CNTNAP5: variants seen among roughly 807,000 people sequenced by gnomAD.
The protein encoded by CNTNAP5 is contactin associated protein family member 5, also known as contactin-associated protein-like 5.
Under a neutral mutation model 150.2 loss-of-function variants are expected in CNTNAP5, and 72 were observed. The observed-to-expected ratio is 0.48, with a 90% CI of 0.40 to 0.58. The LOEUF (loss-of-function observed/expected upper bound fraction) is 0.58. Among genes scored for constraint, CNTNAP5 ranks in the 20% least tolerant of loss-of-function variants. CNTNAP5 has a pLI of 0.00. For missense variants in CNTNAP5, 1,636 were observed against 1,626.2 expected, an observed-to-expected ratio of 1.01 and a Z score of -0.10; for synonymous variants, 672 against 619.8, an observed-to-expected ratio of 1.08 and a Z score of -1.25.
At chr2:124,796,448 C>T (rs1042330867) in intron 18 of CNTNAP5, among the ~76,000 whole-genome samples, 8 of 152,124 alleles carry the variant, frequency 5.3e-5, no homozygotes, top group Non-Finnish European at 8.8e-5. Context: ...CTGATGATAA[C>T]CAGAATTCTC....
chr2:124,253,860 G>A (rs78775686), intron 3 of CNTNAP5, among the ~76,000 whole-genome samples: 1,898 of 151,718 alleles, frequency 0.013, 37 homozygotes, highest in African/African-American at 0.037. Flanking sequence ...GAAGATGATG[G>A]GGAAGGGGGA....
Position 124,424,592 on chromosome 2 carries a change from C to T in CNTNAP5, c.529+7002C>T, listed in dbSNP as rs138558928. Among the ~76,000 whole-genome samples, 461 of 152,252 alleles carry T rather than the reference C, an allele frequency of 3.0e-3. 2 individuals are homozygous for T. Among genetic ancestry groups the T allele is most frequent in the Non-Finnish European group, 5.0e-3 (341 of 68,018 alleles). On this transcript the variant is annotated intron_variant, in intron 4 of 23. Transcript: ENST00000682447. ...TCTCTTCTATGAAGAGACAAATGTA[C>T]ACACATACATGGAATAACAACACTA...
intron 18 of CNTNAP5, among the ~76,000 whole-genome samples, chr2:124,796,694 A>G (rs987661633): frequency 3.9e-5 from 6 of 152,240 alleles, no homozygotes; most frequent in Admixed American, 3.9e-4. Flanking sequence ...AAAGCCAGGT[A>G]TTATTATATT....
intron 11 of CNTNAP5, among the ~76,000 whole-genome samples, chr2:124,578,788 A>AATAC (rs915435269): frequency 2.7e-5 from 4 of 150,704 alleles, no homozygotes; most frequent in African/African-American, 9.9e-5. Context: ...TAAATAAGTA[A>AATAC]ATAAATAAAT....
intron 13 of CNTNAP5, among the ~76,000 whole-genome samples, chr2:124,696,380 C>G (rs376971102): frequency 1.8e-4 from 28 of 152,278 alleles, no homozygotes; most frequent in African/African-American, 6.3e-4. Flanking sequence ...GTGATCTTTT[C>G]TATCCTAGAG....
At chr2:124,907,866 A>G (rs777293882) in intron 22 of CNTNAP5, among the ~76,000 whole-genome samples, 25 of 150,598 alleles carry the variant, frequency 1.7e-4, no homozygotes, top group South Asian at 4.2e-4. Context: ...CTAGATCTGA[A>G]GTATTTTATT....
chr2:124,914,213 T>C lies in CNTNAP5; in HGVS notation c.3849T>C (p.Asn1283=), dbSNP rs761433692. The change falls in exon 24 of 24, where the codon AAT becomes AAC. Residue 1283 remains asparagine, a synonymous_variant. Transcript: ENST00000682447. ...TGAAGGAGAAGGAATATCCAGAAAATTTGGACAGTTCCTTCAGAAATGAAA... is the reference window on the plus strand; with the variant it reads ...TGAAGGAGAAGGAATATCCAGAAAACTTGGACAGTTCCTTCAGAAATGAAA... ...SQMKEKEYPE[N]LDSSFRNEID... The C allele has an allele frequency of 6.2e-7, 1 of 1,612,516 alleles. No individual in the cohort carries two copies. Among genetic ancestry groups the C allele is most frequent in the Non-Finnish European group, 8.5e-7 (1 of 1,179,038 alleles).
At chr2:124,606,911 C>T (rs559590411) in intron 11 of CNTNAP5, among the ~76,000 whole-genome samples, 1 of 152,088 alleles carries the variant, frequency 6.6e-6, no homozygotes, top group Non-Finnish European at 1.5e-5. Context: ...GAGGACACAG[C>T]GAAACCATAT....
intron 1 of CNTNAP5, among the ~76,000 whole-genome samples, chr2:124,111,280 G>A (rs1243832287): frequency 1.3e-5 from 2 of 152,124 alleles, no homozygotes; most frequent in East Asian, 3.9e-4. Flanking sequence ...AAGACTGCTG[G>A]AAGTCCATGA....
intron 10 of CNTNAP5, among the ~76,000 whole-genome samples, chr2:124,535,189 G>A (rs377388088): frequency 1.3e-5 from 2 of 152,094 alleles, no homozygotes; most frequent in African/African-American, 2.4e-5. Context: ...TGATGCTACC[G>A]GGGAAGATCC....
At chr2:124,215,432 G>A (rs891409) in intron 1 of CNTNAP5, among the ~76,000 whole-genome samples, 24,731 of 151,912 alleles carry the variant, frequency 0.16, 2,329 homozygotes, top group East Asian at 0.35. Flanking sequence ...ATATTTACTT[G>A]GAATTCTCTG....
At chr2:124,755,513 A>G (rs1680820790) in intron 14 of CNTNAP5, among the ~76,000 whole-genome samples, 1 of 152,158 alleles carries the variant, frequency 6.6e-6, no homozygotes, top group Non-Finnish European at 1.5e-5. Context: ...TTGGCCAAGT[A>G]TGTCTGAAGG....
intron 13 of CNTNAP5, among the ~76,000 whole-genome samples, chr2:124,652,555 C>T (rs1345137134): frequency 6.6e-6 from 1 of 152,172 alleles, no homozygotes; most frequent in Admixed American, 6.6e-5. Flanking sequence ...AATATCAAAG[C>T]CATAGTCTGG....
At position 124,395,701 on chromosome 2, in the gene CNTNAP5, G is replaced by T. The variant is rs76313591; in HGVS notation, c.382-21742G>T. 5.1e-3 allele frequency among the ~76,000 whole-genome samples: 771 copies of T among 152,066 alleles called. 6 individuals carry two copies. Among genetic ancestry groups the T allele is most frequent in the African/African-American group, 0.017 (689 of 41,486 alleles). ...TCTAAACACTATGTCCATGTATATG[G>T]CATGTTACTTAGAATAATTCTGGCA... On this transcript the variant is annotated intron_variant, in intron 3 of 23. Transcript: ENST00000682447.
chr2:124,418,862 C>T (rs1457253533), intron 4 of CNTNAP5, among the ~76,000 whole-genome samples: 1 of 152,058 alleles, frequency 6.6e-6, no homozygotes, highest in Non-Finnish European at 1.5e-5. Flanking sequence ...GGGCCGGGCG[C>T]GGTGGCTCAC....
In CNTNAP5 at chr2:124,408,224, G is replaced by T. The variant is rs563384674; in HGVS notation, c.382-9219G>T. 3.8e-4 allele frequency among the ~76,000 whole-genome samples: 58 copies of T among 152,316 alleles called. 3 individuals are homozygous for T. The South Asian group carries it at 0.011, about 30-fold the overall frequency. On this transcript the variant is annotated intron_variant, in intron 3 of 23. Transcript: ENST00000682447. ...GAGATTATATCTCGCACCTGGCTCG[G>T]AGGGTCCTACGCCCACGGAGTCTCG... is the stretch of plus-strand genomic sequence containing the variant.
intron 8 of CNTNAP5, among the ~76,000 whole-genome samples, chr2:124,514,242 G>T (rs753602483): frequency 1.4e-4 from 21 of 151,762 alleles, no homozygotes; most frequent in African/African-American, 7.2e-5. Flanking sequence ...ACCAAGCAAA[G>T]GTTGGAAATG....
At chr2:124,675,467 G>C (rs1173754203) in intron 13 of CNTNAP5, among the ~76,000 whole-genome samples, 3 of 151,848 alleles carry the variant, frequency 2.0e-5, no homozygotes, top group African/African-American at 4.8e-5. Flanking sequence ...TGTAATTATA[G>C]ATCTGACAGG....
rs71412792 is a variant in CNTNAP5 at position 124,702,346 on chromosome 2, C to CTTTTTTTTTTTTTTTTTTTTTTTTTTTT, written c.2078-44860_2078-44833dup. 5.7e-5 allele frequency among the ~76,000 whole-genome samples: 3 copies of CTTTTTTTTTTTTTTTTTTTTTTTTTTTT among 52,250 alleles called. 1 individual carries two copies. The highest frequency in any genetic ancestry group is 1.0e-4 in the Non-Finnish European group (3 of 30,002). The allele number at this position is 52,250 out of a possible 152,430, so 34.3% of individuals were successfully genotyped here. On this transcript the variant is annotated intron_variant, in intron 13 of 23. Coordinates refer to ENST00000682447, the MANE Select transcript of CNTNAP5 (RefSeq NM_001367498.1). ...ATGTCCTTCTGTGAAACTATGAACA[C>CTTTTTTTTTTTTTTTTTTTTTTTTTTTT]TTTTTTTTTTTTTTTTTTTTTTTTT...
Sources: gnomAD v4.1 joint callset for allele counts (sites outside exome capture counted in the v4.1 genomes callset) on GRCh38, gnomAD v4.1.1 for gene constraint, MANE v1.5 for transcripts, NCBI Gene and HGNC (gene_info 2026-07-23, HGNC 2026-07-21) for gene names.